DAB2IP: variants seen among roughly 807,000 people sequenced by gnomAD.
The protein encoded by DAB2IP is disabled homolog 2-interacting protein.
DAB2IP carries 28 observed loss-of-function variants against 107.2 expected under a neutral mutation model. The ratio of observed to expected loss-of-function variants is 0.26; its 90% CI spans 0.19 to 0.36. DAB2IP has a LOEUF of 0.36. Among genes scored for constraint, DAB2IP ranks in the 10% least tolerant of loss-of-function variants. The pLI is 1.00. For synonymous variants in DAB2IP, 755 were observed against 706.4 expected (o/e 1.07, Z -1.09); for missense variants, 1,400 against 1,644.7 (o/e 0.85, Z 2.57).
chr9:121,675,242 G>C (rs963078581), intron 1 of DAB2IP, among the ~76,000 whole-genome samples: 1 of 152,166 alleles, frequency 6.6e-6, no homozygotes, highest in African/African-American at 2.4e-5. Flanking sequence ...GACAGTTCCC[G>C]CAGGAGGCCA....
chr9:121,718,450 C>T (rs746815698), intron 3 of DAB2IP, among the ~76,000 whole-genome samples: 6 of 152,162 alleles, frequency 3.9e-5, no homozygotes, highest in Admixed American at 1.3e-4. Context: ...CAACAAAACC[C>T]GACTTCGAGG....
At chr9:121,703,454 T>C (rs1829887387) in intron 3 of DAB2IP, among the ~76,000 whole-genome samples, 1 of 152,044 alleles carries the variant, frequency 6.6e-6, no homozygotes. Context: ...GTTTAGACAA[T>C]TGCCAGGAGT....
rs1835743585 is a variant in DAB2IP, at chr9:121,782,608, G to A, written c.*110G>A. The A allele has an allele frequency of 2.2e-5, 34 of 1,522,702 alleles. No homozygotes were observed. Among genetic ancestry groups the A allele is most frequent in the Non-Finnish European group, 2.8e-5 (32 of 1,135,448 alleles). 94.3% of individuals were successfully genotyped at this position (1,522,702 alleles called of 1,614,324 possible). On this transcript the variant is annotated 3_prime_UTR_variant, in exon 16 of 16. Transcript: ENST00000408936. The surrounding 1 kb of genome is among the most constrained non-coding windows in gnomAD (Gnocchi z 6.1). ...GGTTGCAGCCCCAGCGCGGGTGTCA[G>A]GAGGCCGAGCCTCCCCTCCCTGCCG...
chr9:121,629,210 C>T (rs1313741070), intron 1 of DAB2IP, among the ~76,000 whole-genome samples: 3 of 152,152 alleles, frequency 2.0e-5, no homozygotes, highest in African/African-American at 4.8e-5. Flanking sequence ...GCCCTACCTG[C>T]AAAAAGCAGT....
chr9:121,688,985 A>G (rs1589519856), intron 2 of DAB2IP, among the ~76,000 whole-genome samples: 2 of 152,176 alleles, frequency 1.3e-5, no homozygotes, highest in African/African-American at 4.8e-5. Context: ...GAGGCCAGCA[A>G]GGACACCAGC....
exon 9 of DAB2IP, chr9:121,766,670 G>T: frequency 6.2e-7 from 1 of 1,614,046 alleles, no homozygotes; most frequent in Non-Finnish European, 8.5e-7. Flanking sequence ...CCTGATGACC[G>T]CACTGCCCGC....
rs773249992 is a variant in DAB2IP at position 121,772,609 on chromosome 9, T to C, written c.2081T>C (p.Leu694Pro). The C allele has an allele frequency of 1.2e-5, 20 of 1,611,724 alleles. No homozygotes were observed. Among genetic ancestry groups the C allele is most frequent in the African/African-American group, 4.0e-5 (3 of 74,906 alleles). The stretch of plus-strand genomic sequence containing the variant: ...TGTGTGTGCTTGTCTCCCTGCAGTC[T>C]GATAGATTTCACCCGGTTACCGTCT... The change falls in exon 12 of 16, where the codon CTG (leucine) becomes CCG (proline). Residue 694 changes from leucine (L) to proline (P), a missense_variant and splice_region_variant. Leu to Pro is a moderately conservative substitution (Grantham distance 98). Around this residue, in one of 3 missense-constraint regions of DAB2IP, gnomAD observed 517 missense variants for 748.6 expected, o/e 0.69. Transcript: ENST00000408936. The surrounding 1 kb of genome is among the most constrained non-coding windows in gnomAD (Gnocchi z 4.7).
chr9:121,586,091 A>C (rs1830306045), intron 1 of DAB2IP, among the ~76,000 whole-genome samples: 1 of 152,214 alleles, frequency 6.6e-6, no homozygotes, highest in Non-Finnish European at 1.5e-5. Context: ...AAGTAACTTC[A>C]GCCTCCTTGA....
At chr9:121,606,806 G>A (rs1447472635) in intron 1 of DAB2IP, among the ~76,000 whole-genome samples, 2 of 150,688 alleles carry the variant, frequency 1.3e-5, no homozygotes, top group Non-Finnish European at 3.0e-5. Context: ...ATGGAGTCTC[G>A]CTCTGTTGCC....
At chr9:121,695,750 A>G (rs1365382356) in intron 2 of DAB2IP, among the ~76,000 whole-genome samples, 1 of 152,260 alleles carries the variant, frequency 6.6e-6, no homozygotes, top group Non-Finnish European at 1.5e-5. Context: ...ACATGTCACT[A>G]CAAACGGAGT....
intron 1 of DAB2IP, among the ~76,000 whole-genome samples, chr9:121,573,005 CTGTT>C (rs1829983600): frequency 6.6e-6 from 1 of 152,164 alleles, no homozygotes; most frequent in Admixed American, 6.5e-5. Context: ...GCTGTAATAA[CTGTT>C]TGGTAAGCAC....
At chr9:121,629,280 C>A (rs934839451) in intron 1 of DAB2IP, among the ~76,000 whole-genome samples, 15 of 152,172 alleles carry the variant, frequency 9.9e-5, no homozygotes, top group Admixed American at 9.8e-4. Flanking sequence ...TTGGAAGGCG[C>A]CCTGGAGTAC....
chr9:121,722,872 A>C (rs1201863821), intron 3 of DAB2IP, among the ~76,000 whole-genome samples: 1 of 152,074 alleles, frequency 6.6e-6, no homozygotes, highest in Non-Finnish European at 1.5e-5. Flanking sequence ...CTATAAAGCA[A>C]AAAGTAACAA....
At chr9:121,727,202 C>T (rs1330065757) in intron 3 of DAB2IP, among the ~76,000 whole-genome samples, 1 of 152,176 alleles carries the variant, frequency 6.6e-6, no homozygotes, top group Non-Finnish European at 1.5e-5. Context: ...TCCCTCAAGC[C>T]CCACCTTGAA....
intron 1 of DAB2IP, among the ~76,000 whole-genome samples, chr9:121,625,407 T>C: frequency 6.6e-6 from 1 of 151,730 alleles, no homozygotes; most frequent in East Asian, 1.9e-4. Context: ...CCTGGTGAAC[T>C]CTTTTTTTTT....
chr9:121,568,551 C>T (rs1029591450), intron 1 of DAB2IP, among the ~76,000 whole-genome samples: 1 of 152,150 alleles, frequency 6.6e-6, no homozygotes, highest in African/African-American at 2.4e-5. Flanking sequence ...GGAAGAGCTC[C>T]CAGTCTGGAA....
chr9:121,570,107 C>CTTTT (rs60818537), intron 1 of DAB2IP, among the ~76,000 whole-genome samples: 2 of 101,500 alleles, frequency 2.0e-5, no homozygotes, highest in African/African-American at 4.2e-5. Context: ...TTCTCTTTCT[C>CTTTT]TTTTTTTTTT....
chr9:121,662,790 T>C lies in DAB2IP; in HGVS notation c.124+10891T>C, dbSNP rs937634000. Among the ~76,000 whole-genome samples, 4 of 152,216 alleles carry C rather than the reference T, an allele frequency of 2.6e-5. No individual in the cohort carries two copies. The highest frequency in any genetic ancestry group is 5.9e-5 in the Non-Finnish European group (4 of 68,046). Reference sequence around the variant, plus strand: ...TGTTTAAAAATGGATATGGTGAAATTGCACATGGCAGAGAGGAGCAAACAC... The same window carrying C: ...TGTTTAAAAATGGATATGGTGAAATCGCACATGGCAGAGAGGAGCAAACAC... On this transcript the variant is annotated intron_variant, in intron 1 of 15. Transcript: ENST00000408936. The surrounding 1 kb of genome is among the most constrained non-coding windows in gnomAD (Gnocchi z 4.6).
intron 1 of DAB2IP, among the ~76,000 whole-genome samples, chr9:121,614,337 CTT>C (rs35959966): frequency 1.3e-4 from 13 of 102,738 alleles, no homozygotes; most frequent in African/African-American, 1.9e-4. Context: ...TCTTTCTTTT[CTT>C]TTTTTTTTTT....
Sources: gnomAD v4.1 joint callset for allele counts (sites outside exome capture counted in the v4.1 genomes callset) on GRCh38, gnomAD v4.1.1 for gene constraint, gnomAD v4.1.1 regional missense constraint, Gnocchi (gnomAD v3.1) non-coding constraint, MANE v1.5 for transcripts, NCBI Gene and HGNC (gene_info 2026-07-23, HGNC 2026-07-21) for gene names.